The following SNX24 variants were observed in gnomAD, a reference collection of about 807,000 sequenced individuals.
SNX24 encodes sorting nexin-24.
Under a neutral mutation model 28.7 loss-of-function variants are expected in SNX24, and 22 were observed. The observed-to-expected ratio is 0.77, with a 90% confidence interval of 0.55 to 1.10. The LOEUF (loss-of-function observed/expected upper bound fraction) is 1.10, where lower values mean the gene tolerates loss of function less well. Ranked by LOEUF, SNX24 falls within the 50% of genes least tolerant of loss-of-function variation. The pLI is 0.00. For missense variants in SNX24, 221 were observed against 201.1 expected (o/e 1.10, Z -0.60); for synonymous variants, 69 against 71.5 (o/e 0.96, Z 0.18).
At chr5:122,934,899 A>G (rs1561620663) in intron 1 of SNX24, among the ~76,000 whole-genome samples, 1 of 151,806 alleles carries the variant, frequency 6.6e-6, no homozygotes, top group Non-Finnish European at 1.5e-5. Flanking sequence ...TGTGAAGAGT[A>G]ACTGTGGAAC....
intron 5 of SNX24, chr5:123,023,964 G>T: frequency 6.2e-7 from 1 of 1,614,078 alleles, no homozygotes. Flanking sequence ...GGACGGTCAT[G>T]CCCATCAGTT....
At chr5:122,974,506 A>C (rs1316463337) in intron 3 of SNX24, among the ~76,000 whole-genome samples, 1 of 152,242 alleles carries the variant, frequency 6.6e-6, no homozygotes, top group African/African-American at 2.4e-5. Flanking sequence ...TTATGGACAG[A>C]AATGGAGAAA....
intron 3 of SNX24, among the ~76,000 whole-genome samples, chr5:122,982,368 A>G (rs1397316248): frequency 6.6e-6 from 1 of 152,236 alleles, no homozygotes; most frequent in Middle Eastern, 3.2e-3. Flanking sequence ...AAATTAAACT[A>G]CTTTTTATAT....
chr5:123,005,754 A>G (rs566147541), intron 6 of SNX24, among the ~76,000 whole-genome samples: 2 of 152,286 alleles, frequency 1.3e-5, no homozygotes, highest in East Asian at 1.9e-4. Flanking sequence ...ATATCCTTCT[A>G]TGTGGGAGAA....
intron 1 of SNX24, among the ~76,000 whole-genome samples, chr5:122,872,262 A>G (rs1204847033): frequency 6.6e-6 from 1 of 151,916 alleles, no homozygotes; most frequent in East Asian, 1.9e-4. Flanking sequence ...CAGCCACTTC[A>G]TATTTAAGAA....
chr5:122,972,857 A>G (rs1267236622), intron 3 of SNX24, among the ~76,000 whole-genome samples: 1 of 152,188 alleles, frequency 6.6e-6, no homozygotes, highest in Non-Finnish European at 1.5e-5. Context: ...TCACGGGCTC[A>G]GTGATAGTCT....
At chr5:122,969,089 T>C (rs926007955) in intron 3 of SNX24, among the ~76,000 whole-genome samples, 1 of 152,172 alleles carries the variant, frequency 6.6e-6, no homozygotes, top group Non-Finnish European at 1.5e-5. Flanking sequence ...TTAAGTAAAA[T>C]AGTGTAGTAA....
intron 1 of SNX24, among the ~76,000 whole-genome samples, chr5:122,933,349 G>T (rs1561618177): frequency 1.3e-5 from 2 of 152,180 alleles, no homozygotes; most frequent in South Asian, 4.1e-4. Flanking sequence ...GTGCCGATTG[G>T]TTTTCACCTG....
chr5:122,968,635 A>G (rs537932626), intron 3 of SNX24, among the ~76,000 whole-genome samples: 142 of 152,314 alleles, frequency 9.3e-4, no homozygotes, highest in Admixed American at 3.7e-3. Context: ...AATGGCAGTC[A>G]TTAAAACCAG....
At chr5:123,019,242 A>C (rs1418847153) in intron 5 of SNX24, among the ~76,000 whole-genome samples, 2 of 152,218 alleles carry the variant, frequency 1.3e-5, no homozygotes, top group Admixed American at 1.3e-4. Context: ...ACTTAATGGC[A>C]CCAAAATTTT....
rs554782360 is a variant in SNX24 at position 122,989,546 on chromosome 5, T to C, written c.250-10366T>C. On this transcript the variant is annotated intron_variant, in intron 3 of 6. Coordinates refer to ENST00000261369, the MANE Select transcript of SNX24 (RefSeq NM_014035.4). Reference sequence around the variant, plus strand: ...GGTGGGGGGGCGGGGGCAGGTGTTATTGGGAAATGTTGGGGAAGAGTAGGG... The same window carrying C: ...GGTGGGGGGGCGGGGGCAGGTGTTACTGGGAAATGTTGGGGAAGAGTAGGG... Among the ~76,000 whole-genome samples the C allele has an allele frequency of 2.0e-4, 31 of 152,226 alleles. No homozygotes were observed. The East Asian group carries it at 5.4e-3, about 27-fold the overall frequency.
At chr5:122,867,232 C>G (rs529967417) in intron 1 of SNX24, among the ~76,000 whole-genome samples, 1 of 152,294 alleles carries the variant, frequency 6.6e-6, no homozygotes, top group East Asian at 1.9e-4. Context: ...CCAGTGAATT[C>G]CATGAGCATG....
At chr5:122,899,834 G>A (rs775611956) in intron 1 of SNX24, among the ~76,000 whole-genome samples, 4 of 152,180 alleles carry the variant, frequency 2.6e-5, no homozygotes, top group Non-Finnish European at 5.9e-5. Context: ...CTCTTGTGGG[G>A]ATAACCCTTA....
At chr5:122,885,653 T>C (rs563612427) in intron 1 of SNX24, among the ~76,000 whole-genome samples, 65 of 152,304 alleles carry the variant, frequency 4.3e-4, no homozygotes, top group African/African-American at 1.5e-3. Context: ...AGCTCCTCCT[T>C]TCCTTTGGGC....
chr5:122,920,956 C>T (rs566148193), intron 1 of SNX24, among the ~76,000 whole-genome samples: 5 of 152,190 alleles, frequency 3.3e-5, no homozygotes, highest in South Asian at 4.1e-4. Flanking sequence ...AAACTCCTAA[C>T]GTCAAGTGAT....
intron 5 of SNX24, among the ~76,000 whole-genome samples, chr5:123,015,391 T>C (rs1436412158): frequency 6.6e-6 from 1 of 152,230 alleles, no homozygotes; most frequent in Non-Finnish European, 1.5e-5. Flanking sequence ...TGACTGTGTA[T>C]AGTTTGCTCA....
intron 1 of SNX24, among the ~76,000 whole-genome samples, chr5:122,896,877 GTAAGGTCTGAGGTTTAACTC>G (rs1757227186): frequency 6.6e-6 from 1 of 152,156 alleles, no homozygotes; most frequent in African/African-American, 2.4e-5. Flanking sequence ...ATTGATCTTA[GTAAGGTCTGAGGTTTAACTC>G]TAACCACCAA....
At chr5:122,927,618 G>A (rs989265134) in intron 1 of SNX24, among the ~76,000 whole-genome samples, 1 of 152,178 alleles carries the variant, frequency 6.6e-6, no homozygotes, top group Admixed American at 6.5e-5. Context: ...AGGTATAGGA[G>A]TTAGAAAAGT....
chr5:123,017,332 C>T (rs1762696855), intron 5 of SNX24, among the ~76,000 whole-genome samples: 1 of 152,040 alleles, frequency 6.6e-6, no homozygotes, highest in African/African-American at 2.4e-5. Context: ...TGTGCACCTC[C>T]CCTGGGCCTT....
Sources: gnomAD v4.1 joint callset for allele counts (sites outside exome capture counted in the v4.1 genomes callset) on GRCh38, gnomAD v4.1.1 for gene constraint, MANE v1.5 for transcripts, NCBI Gene and HGNC (gene_info 2026-07-23, HGNC 2026-07-21) for gene names.